The following NEFL variants were observed in gnomAD, a reference collection of about 807,000 sequenced individuals.
NEFL encodes neurofilament light chain.
A neutral mutation model predicts 51.6 loss-of-function variants in NEFL; 36 were observed. The ratio of observed to expected loss-of-function variants is 0.70; its 90% CI spans 0.53 to 0.92. The LOEUF (loss-of-function observed/expected upper bound fraction) is 0.92, where lower values mean the gene tolerates loss of function less well. Ranked by LOEUF, NEFL falls within the 40% of genes least tolerant of loss-of-function variation. The probability of loss-of-function intolerance (pLI) is 0.00; values close to 1 mark genes in which losing one functional copy is unlikely to be tolerated. For synonymous variants in NEFL, 332 were observed against 302.5 expected (o/e 1.10, Z -1.01); for missense variants, 671 against 722.0 (o/e 0.93, Z 0.81).
chr8:24,954,351 T>G, intron 1 of NEFL, 46 bp from the exon 2 acceptor site: 1 of 1,602,336 alleles, frequency 6.2e-7, no homozygotes, highest in Non-Finnish European at 8.5e-7. Context: ...CGAGCATAAA[T>G]CCCTTCTATT....
At chr8:24,953,853 G>A in intron 2 of NEFL, 58 bp from the exon 3 acceptor site, 1 of 1,514,910 alleles carries the variant, frequency 6.6e-7, no homozygotes, top group Non-Finnish European at 8.8e-7. Flanking sequence ...AACTTGCTCT[G>A]AGTACCCTAA....
Position 24,955,434 on chromosome 8 carries a change from G to T in NEFL, c.1044+38C>A. The T allele has an allele frequency of 7.2e-7, 1 of 1,393,530 alleles. No homozygotes were observed. Among genetic ancestry groups the T allele is most frequent in the Non-Finnish European group, 9.4e-7 (1 of 1,062,990 alleles). The allele number at this position is 1,393,530 out of a possible 1,614,324, so 86.3% of individuals were successfully genotyped here. On this transcript the variant is annotated intron_variant, in intron 1 of 3. Coordinates refer to ENST00000610854, the MANE Select transcript of NEFL (RefSeq NM_006158.5). This position sits in a 1 kb window ranked among gnomAD's most constrained non-coding sequence, Gnocchi z 4.0. Reference sequence around the variant, plus strand: ...GGCGCACCAACTCCCCCCCTTGCTCGAGTCCCCCGCCCCCCTGTGTTTCTG... The same window carrying T: ...GGCGCACCAACTCCCCCCCTTGCTCTAGTCCCCCGCCCCCCTGTGTTTCTG...
Position 24,955,419 on chromosome 8 carries a change from CTCCCCCCCTT to C in NEFL, c.1044+43_1044+52del. On this transcript the variant is annotated intron_variant, in intron 1 of 3. Coordinates refer to ENST00000610854, the MANE Select transcript of NEFL (RefSeq NM_006158.5). The surrounding 1 kb of genome is among the most constrained non-coding windows in gnomAD (Gnocchi z 4.0). ...GGTCTCCACTTTCTGGGCGCACCAA[CTCCCCCCCTT>C]GCTCGAGTCCCCCGCCCCCCTGTGT... 1.4e-6 allele frequency: 2 copies of C among 1,395,284 alleles called. No homozygotes were observed. Among genetic ancestry groups the C allele is most frequent in the Non-Finnish European group, 1.9e-6 (2 of 1,027,500 alleles). The allele number at this position is 1,395,284 out of a possible 1,614,324, so 86.4% of individuals were successfully genotyped here. A position where few individuals can be genotyped will look rare whatever the true frequency, so the allele number is the denominator to read the frequency against.
In NEFL at chr8:24,952,949, G is replaced by A. The variant is rs772394645; in HGVS notation, c.1493C>T (p.Ala498Val). 3.1e-6 allele frequency: 5 copies of A among 1,608,336 alleles called. No individual in the cohort carries two copies. Among genetic ancestry groups the A allele is most frequent in the South Asian group, 1.1e-5 (1 of 90,314 alleles). Residue 498 changes from alanine to valine, a missense_variant, in exon 4 of 4, where the codon GCC becomes GTC. By Grantham distance (64) the Ala-to-Val change is moderately conservative (BLOSUM62 0). Coordinates refer to ENST00000610854, the MANE Select transcript of NEFL (RefSeq NM_006158.5). ...TTTTGCTTCTTCAGACTCTTCCTTG[G>A]CAGCTTTAACATAAAAAGAAAATGT... ...EEEAAEEEEA[A>V]KEESEEAKEE... is the part of the protein sequence containing the mutation.
chr8:24,953,805 C>T lies in NEFL; in HGVS notation c.1170-10G>A. ...GCCTTCCAAGAGTTTCCTGGGGATG[C>T]AGATGCAAGGTGAGGTTAAAAAACA... On this transcript the variant is annotated splice_polypyrimidine_tract_variant and intron_variant, in intron 2 of 3. Transcript: ENST00000610854. The T allele has an allele frequency of 6.2e-7, 1 of 1,602,696 alleles. No homozygotes were observed. The highest frequency in any genetic ancestry group is 1.1e-5 in the South Asian group (1 of 89,896).
rs763294014 is a variant in NEFL, at chr8:24,955,895, G to T, written c.621C>A (p.Ala207=). ...KGADEAALAR[A]ELEKRIDSLM... Reference sequence around the variant, plus strand: ...AGCTGTCGATGCGCTTCTCGAGCTCGGCGCGAGCGAGCGCCGCCTCGTCGG... The same window carrying T: ...AGCTGTCGATGCGCTTCTCGAGCTCTGCGCGAGCGAGCGCCGCCTCGTCGG... Residue 207 remains alanine (A), a synonymous_variant, in exon 1 of 4, where the codon GCC becomes GCA. Coordinates refer to ENST00000610854, the MANE Select transcript of NEFL (RefSeq NM_006158.5). This position sits in a 1 kb window ranked among gnomAD's most constrained non-coding sequence, Gnocchi z 4.0. The T allele has an allele frequency of 6.2e-7, 1 of 1,606,090 alleles. No individual in the cohort carries two copies. The highest frequency in any genetic ancestry group is 8.5e-7 in the Non-Finnish European group (1 of 1,179,800).
In NEFL at chr8:24,955,010, TAAAG is replaced by T. The variant is rs1469908823; in HGVS notation, c.1044+458_1044+461del. On this transcript the variant is annotated intron_variant, in intron 1 of 3. Coordinates refer to ENST00000610854, the MANE Select transcript of NEFL (RefSeq NM_006158.5). The surrounding 1 kb of genome is among the most constrained non-coding windows in gnomAD (Gnocchi z 4.0). ...ACTATTTTCCTGTCTACCTACTAAA[TAAAG>T]GAAGGGAGTGGTTGGTAAAACTAGT... Among the ~76,000 whole-genome samples the T allele has an allele frequency of 6.6e-6, 1 of 152,080 alleles. No individual in the cohort carries two copies. The highest frequency in any genetic ancestry group is 2.4e-5 in the African/African-American group (1 of 41,430).
rs756647882 is a variant in NEFL at position 24,952,804 on chromosome 8, G to T, written c.*6C>A. 1 of 1,613,748 alleles carries T rather than the reference G, an allele frequency of 6.2e-7. No homozygotes were observed. Among genetic ancestry groups the T allele is most frequent in the Admixed American group, 1.7e-5 (1 of 60,012 alleles). ...TTATTCCTGAAATAATTAAGGAAAT[G>T]GGGGTTCAATCTTTCTTCTTAGCTG... is the stretch of plus-strand genomic sequence containing the variant. On this transcript the variant is annotated 3_prime_UTR_variant, in exon 4 of 4. Coordinates refer to ENST00000610854, the MANE Select transcript of NEFL (RefSeq NM_006158.5).
chr8:24,951,119 G>A lies in NEFL; in HGVS notation c.*1691C>T, dbSNP rs1437844206. ...GAGACTTACCATGTACATCAACCCA[G>A]GTCTAGTAAGCAGAAATGTGAAAAG... On this transcript the variant is annotated 3_prime_UTR_variant, in exon 4 of 4. Coordinates refer to ENST00000610854, the MANE Select transcript of NEFL (RefSeq NM_006158.5). 6.6e-6 allele frequency: 1 copy of A among 152,558 alleles called. No individual in the cohort carries two copies. Among genetic ancestry groups the A allele is most frequent in the East Asian group, 1.9e-4 (1 of 5,188 alleles). The allele number at this position is 152,558 out of a possible 1,614,324, so 9.5% of individuals were successfully genotyped here.
rs753906952 is a variant in NEFL at position 24,956,168 on chromosome 8, C to A, written c.348G>T (p.Lys116Asn). Residue 116 changes from lysine to asparagine, a missense_variant, in exon 1 of 4, where the codon AAG (lysine) becomes AAT (asparagine). Lys to Asn is a moderately conservative substitution (Grantham distance 94). Coordinates refer to ENST00000610854, the MANE Select transcript of NEFL (RefSeq NM_006158.5). The surrounding 1 kb of genome is among the most constrained non-coding windows in gnomAD (Gnocchi z 5.9). ...ERVHELEQQN[K>N]VLEAELLVLR... ...GCACCAGCAGCTCGGCTTCCAGGAC[C>A]TTGTTCTGCTGCTCCAGCTCGTGCA... The A allele has an allele frequency of 1.9e-6, 3 of 1,610,230 alleles. No individual in the cohort carries two copies. Among genetic ancestry groups the A allele is most frequent in the Non-Finnish European group, 2.5e-6 (3 of 1,178,684 alleles).
In NEFL at chr8:24,956,277, C is replaced by T; in HGVS notation, c.239G>A (p.Ser80Asn). The T allele has an allele frequency of 6.2e-7, 1 of 1,611,600 alleles. No homozygotes were observed. Residue 80 changes from serine to asparagine, a missense_variant, in exon 1 of 4, where the codon AGC becomes AAC. By Grantham distance (46) the Ser-to-Asn change is conservative. Coordinates refer to ENST00000610854, the MANE Select transcript of NEFL (RefSeq NM_006158.5). This position sits in a 1 kb window ranked among gnomAD's most constrained non-coding sequence, Gnocchi z 5.9. The stretch of plus-strand genomic sequence containing the variant: ...CGTGCGGATGGACTTGAGGTCGTTG[C>T]TGATGGCGGCTACCTGGCTCAGGTC... ...NLDLSQVAAI[S>N]NDLKSIRTQE...
chr8:24,953,952 A>G (rs761467629), intron 2 of NEFL, 157 bp from the exon 3 acceptor site: 12 of 1,195,504 alleles, frequency 1.0e-5, no homozygotes, highest in African/African-American at 1.5e-5. Context: ...ATATAAATAA[A>G]TCATCCTATT....
At position 24,952,804 on chromosome 8, in the gene NEFL, G is replaced by A. The variant is rs756647882; in HGVS notation, c.*6C>T. ...TTATTCCTGAAATAATTAAGGAAAT[G>A]GGGGTTCAATCTTTCTTCTTAGCTG... is the stretch of plus-strand genomic sequence containing the variant. On this transcript the variant is annotated 3_prime_UTR_variant, in exon 4 of 4. Coordinates refer to ENST00000610854, the MANE Select transcript of NEFL (RefSeq NM_006158.5). 4.2e-5 allele frequency: 67 copies of A among 1,613,630 alleles called. No homozygotes were observed. The highest frequency in any genetic ancestry group is 5.3e-5 in the Non-Finnish European group (62 of 1,179,782).
Position 24,955,622 on chromosome 8 carries a change from C to G in NEFL, c.894G>C (p.Val298=), listed in dbSNP as rs1388931383. ...TESAAKNTDA[V]RAAKDEVSES... is the part of the protein sequence containing the mutation. ...CGGACACCTCGTCCTTGGCGGCGCG[C>G]ACGGCGTCGGTGTTCTTGGCGGCGC... The change falls in exon 1 of 4, where the codon GTG becomes GTC. Residue 298 remains valine (V), a synonymous_variant. Coordinates refer to ENST00000610854, the MANE Select transcript of NEFL (RefSeq NM_006158.5). The surrounding 1 kb of genome is among the most constrained non-coding windows in gnomAD (Gnocchi z 4.0). 6.2e-7 allele frequency: 1 copy of G among 1,613,832 alleles called. No homozygotes were observed. The highest frequency in any genetic ancestry group is 8.5e-7 in the Non-Finnish European group (1 of 1,179,870).
intron 1 of NEFL, 52 bp from the exon 2 acceptor site, chr8:24,954,357 C>T: frequency 6.3e-7 from 1 of 1,599,184 alleles, no homozygotes; most frequent in Non-Finnish European, 8.5e-7. Context: ...TAAATCCCTT[C>T]TATTATTTTA....
chr8:24,954,015 A>G, intron 2 of NEFL, 166 bp downstream of exon 2: 1 of 1,218,308 alleles, frequency 8.2e-7, no homozygotes. Flanking sequence ...TACAGGGTTA[A>G]ATTCTTATAT....
In NEFL at chr8:24,955,849, G is replaced by GA. The variant is rs752662820; in HGVS notation, c.666dup (p.Leu223SerfsTer55). The GA allele has an allele frequency of 1.2e-6, 2 of 1,610,094 alleles. No individual in the cohort carries two copies. The highest frequency in any genetic ancestry group is 1.7e-6 in the Non-Finnish European group (2 of 1,179,778). On this transcript the variant is annotated frameshift_variant, in exon 1 of 4. Transcript: ENST00000610854. LOFTEE classifies it high-confidence loss of function. This position sits in a 1 kb window ranked among gnomAD's most constrained non-coding sequence, Gnocchi z 4.0. ...ATCTCCTCTTCGTGCACTTTCTTCA[G>GA]AAAAGAGATTTCGTCCATCAAGCTG...
At chr8:24,953,890 G>A (rs1157047847) in intron 2 of NEFL, 95 bp from the exon 3 acceptor site, 15 of 1,454,694 alleles carry the variant, frequency 1.0e-5, no homozygotes, top group Non-Finnish European at 1.1e-5. Context: ...GAGCAGGGCT[G>A]GGATTTATCA....
Position 24,955,615 on chromosome 8 carries a change from C to T in NEFL, c.901G>A (p.Ala301Thr). ...CGGCTCTCGGACACCTCGTCCTTGG[C>T]GGCGCGCACGGCGTCGGTGTTCTTG... ...AAKNTDAVRA[A>T]KDEVSESRRL... The change falls in exon 1 of 4, where the codon GCC becomes ACC. Residue 301 changes from alanine (A) to threonine (T), a missense_variant. By Grantham distance (58) the Ala-to-Thr change is moderately conservative. Coordinates refer to ENST00000610854, the MANE Select transcript of NEFL (RefSeq NM_006158.5). The surrounding 1 kb of genome is among the most constrained non-coding windows in gnomAD (Gnocchi z 4.0). 6.2e-7 allele frequency: 1 copy of T among 1,613,792 alleles called. No homozygotes were observed. Among genetic ancestry groups the T allele is most frequent in the Non-Finnish European group, 8.5e-7 (1 of 1,179,858 alleles).
Sources: gnomAD v4.1 joint callset for allele counts (sites outside exome capture counted in the v4.1 genomes callset) on GRCh38, gnomAD v4.1.1 for gene constraint, Gnocchi (gnomAD v3.1) non-coding constraint, MANE v1.5 for transcripts, NCBI Gene and HGNC (gene_info 2026-07-23, HGNC 2026-07-21) for gene names.